The following L3MBTL3 variants were observed in gnomAD, a reference collection of about 807,000 sequenced individuals.
L3MBTL3 encodes lethal(3)malignant brain tumor-like protein 3.
A neutral mutation model predicts 102.3 loss-of-function variants in L3MBTL3; 27 were observed. That is an observed-to-expected ratio of 0.26 (90% CI 0.19 to 0.36). The LOEUF (loss-of-function observed/expected upper bound fraction) is 0.36. Ranked by LOEUF, L3MBTL3 falls within the 10% of genes least tolerant of loss-of-function variation. The probability of loss-of-function intolerance (pLI) is 1.00; values close to 1 mark genes in which losing one functional copy is unlikely to be tolerated. For synonymous variants in L3MBTL3, 340 were observed against 320.9 expected, an observed-to-expected ratio of 1.06 and a Z score of -0.64; for missense variants, 798 against 955.3, an observed-to-expected ratio of 0.84 and a Z score of 2.17.
At position 130,094,309 on chromosome 6, in the gene L3MBTL3, A is replaced by T. The variant is rs1784226112; in HGVS notation, c.1678A>T (p.Thr560Ser). 6.2e-7 allele frequency: 1 copy of T among 1,613,696 alleles called. No individual in the cohort carries two copies. The highest frequency in any genetic ancestry group is 1.3e-5 in the African/African-American group (1 of 74,864). ...MEASEHGGCS[T>S]PGCKGIGHFK... ...AGCTTCAGAACATGGTGGATGCTCA[A>T]CCCCGGGATGTAAAGGGATTGGCCA... The change falls in exon 18 of 23, where the codon ACC (threonine) becomes TCC (serine). Residue 560 changes from threonine to serine, a missense_variant. Coordinates refer to ENST00000361794, the MANE Select transcript of L3MBTL3 (RefSeq NM_032438.4).
intron 20 of L3MBTL3, among the ~76,000 whole-genome samples, chr6:130,124,526 G>A (rs1786462396): frequency 6.6e-6 from 1 of 152,190 alleles, no homozygotes; most frequent in Non-Finnish European, 1.5e-5. Context: ...GAAGTCATGA[G>A]CCTTTTTGAT....
intron 19 of L3MBTL3, among the ~76,000 whole-genome samples, chr6:130,110,502 TATTG>T (rs1300840637): frequency 6.6e-6 from 1 of 152,200 alleles, no homozygotes; most frequent in Non-Finnish European, 1.5e-5. Flanking sequence ...GTTTGTCTAT[TATTG>T]GTGTATAGGA....
chr6:130,118,173 G>T (rs1377359932), intron 19 of L3MBTL3, among the ~76,000 whole-genome samples: 1 of 152,082 alleles, frequency 6.6e-6, no homozygotes, highest in Non-Finnish European at 1.5e-5. Flanking sequence ...AAAAACACAA[G>T]TGTAAAAATA....
At chr6:130,029,415 C>T (rs1779562069) in intron 2 of L3MBTL3, among the ~76,000 whole-genome samples, 1 of 152,166 alleles carries the variant, frequency 6.6e-6, no homozygotes, top group Non-Finnish European at 1.5e-5. Context: ...TACATGAGGA[C>T]GTTTTTATGC....
At chr6:130,034,546 T>G (rs1779928624) in intron 2 of L3MBTL3, among the ~76,000 whole-genome samples, 1 of 152,232 alleles carries the variant, frequency 6.6e-6, no homozygotes, top group African/African-American at 2.4e-5. Context: ...AGTCTTTAAT[T>G]TATCTGAAAC....
At chr6:130,101,736 T>C (rs1447884744) in intron 18 of L3MBTL3, among the ~76,000 whole-genome samples, 1 of 152,220 alleles carries the variant, frequency 6.6e-6, no homozygotes, top group Admixed American at 6.5e-5. Context: ...ACCCTGATTT[T>C]TCTGGCCTTC....
chr6:130,027,693 A>G (rs533797186), intron 2 of L3MBTL3, among the ~76,000 whole-genome samples: 6 of 152,238 alleles, frequency 3.9e-5, no homozygotes, highest in Non-Finnish European at 8.8e-5. Flanking sequence ...TTCTATAAAA[A>G]TATGAAGCAA....
At chr6:130,092,427 A>G (rs1297112788) in intron 16 of L3MBTL3, among the ~76,000 whole-genome samples, 1 of 151,810 alleles carries the variant, frequency 6.6e-6, no homozygotes, top group Non-Finnish European at 1.5e-5. Flanking sequence ...GATGTTGATC[A>G]TATGAAGATG....
At chr6:130,089,258 G>A (rs62432043) in intron 16 of L3MBTL3, among the ~76,000 whole-genome samples, 11,012 of 107,842 alleles carry the variant, frequency 0.1, 575 homozygotes, top group Admixed American at 0.22. Context: ...GATGTTCCCC[G>A]CCCTGTGTCC....
At chr6:130,098,282 T>G (rs1200018156) in intron 18 of L3MBTL3, among the ~76,000 whole-genome samples, 2 of 152,200 alleles carry the variant, frequency 1.3e-5, no homozygotes, top group East Asian at 3.9e-4. Context: ...TCACCATGCA[T>G]CTATCCGTGA....
At chr6:130,088,580 C>T (rs1783837506) in intron 16 of L3MBTL3, among the ~76,000 whole-genome samples, 1 of 152,104 alleles carries the variant, frequency 6.6e-6, no homozygotes, top group Admixed American at 6.6e-5. Context: ...TATATTTGAT[C>T]AGATGACATT....
chr6:130,092,415 T>G (rs1045610332), intron 16 of L3MBTL3, among the ~76,000 whole-genome samples: 1 of 152,108 alleles, frequency 6.6e-6, no homozygotes, highest in African/African-American at 2.4e-5. Context: ...TATTGGGTGC[T>G]TGATGTTGAT....
chr6:130,031,455 C>G (rs1487467005), intron 2 of L3MBTL3, among the ~76,000 whole-genome samples: 1 of 152,210 alleles, frequency 6.6e-6, no homozygotes. Flanking sequence ...TTGGCTGGGA[C>G]AGCACTCCAC....
chr6:130,130,097 G>T (rs1367238927), intron 20 of L3MBTL3, among the ~76,000 whole-genome samples: 1 of 152,242 alleles, frequency 6.6e-6, no homozygotes, highest in African/African-American at 2.4e-5. Flanking sequence ...AGGATTGGAA[G>T]AGTATGTATA....
chr6:130,070,271 T>G (rs1782543128), intron 12 of L3MBTL3, among the ~76,000 whole-genome samples: 1 of 152,210 alleles, frequency 6.6e-6, no homozygotes, highest in Non-Finnish European at 1.5e-5. Flanking sequence ...TATATTACTG[T>G]ACCTTAAGCA....
At chr6:130,112,229 G>T (rs1263568573) in intron 19 of L3MBTL3, among the ~76,000 whole-genome samples, 1 of 152,122 alleles carries the variant, frequency 6.6e-6, no homozygotes, top group African/African-American at 2.4e-5. Flanking sequence ...CTCCATAAAG[G>T]CAGGGGCCAT....
chr6:130,046,979 G>A (rs1780763696), intron 3 of L3MBTL3, among the ~76,000 whole-genome samples: 1 of 152,190 alleles, frequency 6.6e-6, no homozygotes. Context: ...GACACAGTAA[G>A]CCCAAATTGA....
intron 1 of L3MBTL3, among the ~76,000 whole-genome samples, chr6:130,019,150 C>T (rs1778756514): frequency 6.6e-6 from 1 of 151,364 alleles, no homozygotes; most frequent in Middle Eastern, 3.4e-3. Context: ...TGGCCCCCTC[C>T]CCCGCGCCCC....
intron 19 of L3MBTL3, among the ~76,000 whole-genome samples, chr6:130,114,421 C>G (rs1017937819): frequency 6.6e-6 from 1 of 152,170 alleles, no homozygotes; most frequent in African/African-American, 2.4e-5. Flanking sequence ...TTTTCCACAA[C>G]AACAACAACA....
Sources: allele counts gnomAD v4.1 joint callset (sites outside exome capture counted in the v4.1 genomes callset), GRCh38; gene constraint gnomAD v4.1.1; transcripts MANE v1.5; gene names NCBI Gene and HGNC (gene_info 2026-07-23, HGNC 2026-07-21).